Variants in CGRRF1 observed in about 807,000 individuals in gnomAD.
CGRRF1 encodes the protein cell growth regulator with ring finger domain 1.
CGRRF1 carries 32 observed loss-of-function variants against 37.2 expected under a neutral mutation model. The ratio of observed to expected loss-of-function variants is 0.86; its 90% CI spans 0.65 to 1.16. The LOEUF (loss-of-function observed/expected upper bound fraction) is 1.16, where lower values mean the gene tolerates loss of function less well. Among genes scored for constraint, CGRRF1 ranks in the 50% most tolerant of loss-of-function variants. The pLI, the probability that CGRRF1 is intolerant of heterozygous loss-of-function variation, is 0.00. For synonymous variants in CGRRF1, 141 were observed against 140.3 expected (o/e 1.00, Z -0.04); for missense variants, 391 against 382.6 (o/e 1.02, Z -0.18).
chr14:54,519,087 C>A (rs1190667807), intron 1 of CGRRF1, among the ~76,000 whole-genome samples: 1 of 152,018 alleles, frequency 6.6e-6, no homozygotes, highest in Non-Finnish European at 1.5e-5. Flanking sequence ...GGATTACAGG[C>A]ATGCACCACC....
intron 1 of CGRRF1, among the ~76,000 whole-genome samples, chr14:54,521,386 G>A (rs146126367): frequency 3.4e-4 from 51 of 151,652 alleles, no homozygotes; most frequent in African/African-American, 1.2e-3. Context: ...GCTTTAACCC[G>A]GGAGGCAGAG....
At chr14:54,510,832 G>A (rs890334997) in intron 1 of CGRRF1, among the ~76,000 whole-genome samples, 8 of 152,162 alleles carry the variant, frequency 5.3e-5, no homozygotes, top group African/African-American at 1.9e-4. Flanking sequence ...TTGAAACCGT[G>A]TAACTAGCCC....
chr14:54,513,845 AC>A (rs2032172136), intron 1 of CGRRF1, among the ~76,000 whole-genome samples: 1 of 152,144 alleles, frequency 6.6e-6, no homozygotes, highest in African/African-American at 2.4e-5. Context: ...AGGTGCCTGA[AC>A]ACAGTTTTAA....
chr14:54,538,035 T>A, intron 5 of CGRRF1, 28 bp from the exon 6 acceptor site: 1 of 1,521,738 alleles, frequency 6.6e-7, no homozygotes, highest in South Asian at 1.3e-5. Flanking sequence ...TTTATAATAA[T>A]CTTTAAATTT....
At chr14:54,523,667 T>TA (rs371570673) in intron 2 of CGRRF1, among the ~76,000 whole-genome samples, 1 of 152,250 alleles carries the variant, frequency 6.6e-6, no homozygotes, top group African/African-American at 2.4e-5. Flanking sequence ...CAGAGGAGTC[T>TA]AAGAAGACTC....
chr14:54,526,473 A>C (rs979665472), intron 2 of CGRRF1, among the ~76,000 whole-genome samples: 14 of 152,074 alleles, frequency 9.2e-5, no homozygotes, highest in African/African-American at 3.4e-4. Flanking sequence ...TATAATTAAA[A>C]AAAAAAGAAA....
chr14:54,534,134 T>C (rs1460029446), intron 4 of CGRRF1, among the ~76,000 whole-genome samples: 1 of 152,170 alleles, frequency 6.6e-6, no homozygotes, highest in Admixed American at 6.5e-5. Flanking sequence ...GGTTTTTTTT[T>C]TGTTTTTTGA....
rs143950400 is a variant in CGRRF1, at chr14:54,535,359, T to TCACACACACACACACACACACA, written c.571-2349_571-2328dup. On this transcript the variant is annotated intron_variant, in intron 4 of 5. Coordinates refer to ENST00000216420, the MANE Select transcript of CGRRF1 (RefSeq NM_006568.3). ...ACATGAGCATTTTTGAAGGGTATAGTCACACACACACACACACACACACAC... is the reference window on the plus strand; with the variant it reads ...ACATGAGCATTTTTGAAGGGTATAGTCACACACACACACACACACACACACACACACACACACACACACACAC... Among the ~76,000 whole-genome samples the TCACACACACACACACACACACA allele has an allele frequency of 5.4e-4, 76 of 140,588 alleles. No individual in the cohort carries two copies. The East Asian group carries it at 5.4e-3, about 10-fold the overall frequency. The allele number at this position is 140,588 out of a possible 152,430, so 92.2% of individuals were successfully genotyped here.
intron 4 of CGRRF1, among the ~76,000 whole-genome samples, chr14:54,532,918 G>T (rs945392147): frequency 2.6e-5 from 4 of 151,868 alleles, no homozygotes; most frequent in South Asian, 2.1e-4. Flanking sequence ...TGTGTACTTG[G>T]GCAAGGAAGC....
intron 1 of CGRRF1, chr14:54,510,368 C>G: frequency 2.5e-6 from 1 of 404,112 alleles, no homozygotes; most frequent in Non-Finnish European, 4.6e-6. Context: ...TGGGCTTGGG[C>G]TTGGTGTTGG....
Position 54,509,989 on chromosome 14 carries a change from T to C in CGRRF1, c.30T>C (p.Tyr10=). 2.5e-6 allele frequency: 4 copies of C among 1,613,970 alleles called. No individual in the cohort carries two copies. The highest frequency in any genetic ancestry group is 3.4e-6 in the Non-Finnish European group (4 of 1,179,810). Residue 10 remains tyrosine, a synonymous_variant, in exon 1 of 6, where the codon TAT becomes TAC. Transcript: ENST00000216420. ...CTGCGGTGTTTCTGGTAACGCTTTATGAATACTCGCCGCTTTTCTACATCG... is the reference window on the plus strand; with the variant it reads ...CTGCGGTGTTTCTGGTAACGCTTTACGAATACTCGCCGCTTTTCTACATCG... The part of the protein sequence containing the change: MAAVFLVTL[Y]EYSPLFYIAV...
chr14:54,530,454 A>G (rs1490644578), intron 3 of CGRRF1: 3 of 918,336 alleles, frequency 3.3e-6, no homozygotes, highest in Non-Finnish European at 4.8e-6. Flanking sequence ...TAGACTTCTT[A>G]TGGATAAAGT....
intron 2 of CGRRF1, among the ~76,000 whole-genome samples, chr14:54,525,724 C>CT (rs1426715508): frequency 6.6e-6 from 1 of 152,086 alleles, no homozygotes; most frequent in Non-Finnish European, 1.5e-5. Context: ...GTTTAAAAAT[C>CT]TTTTTTTCAC....
At chr14:54,528,992 T>C (rs2032463000) in intron 2 of CGRRF1, among the ~76,000 whole-genome samples, 1 of 152,134 alleles carries the variant, frequency 6.6e-6, no homozygotes, top group African/African-American at 2.4e-5. Flanking sequence ...TTTTAAAAAA[T>C]AGGTAATATA....
Position 54,530,058 on chromosome 14 carries a change from C to T in CGRRF1, c.254C>T (p.Thr85Ile), listed in dbSNP as rs959272383. Residue 85 changes from threonine (T) to isoleucine (I), a missense_variant, in exon 3 of 6, where the codon ACC becomes ATC. Coordinates refer to ENST00000216420, the MANE Select transcript of CGRRF1 (RefSeq NM_006568.3). Reference protein sequence around the residue: ...PSSASITTGITLTTDCLEDSL... With the variant: ...PSSASITTGIILTTDCLEDSL... ...CCTTTGTTTTTTACAGCTGGCATAACCTTGACAACAGATTGCCTTGAAGAT... is the reference window on the plus strand; with the variant it reads ...CCTTTGTTTTTTACAGCTGGCATAATCTTGACAACAGATTGCCTTGAAGAT... The T allele has an allele frequency of 1.2e-6, 2 of 1,608,698 alleles. No individual in the cohort carries two copies. Among genetic ancestry groups the T allele is most frequent in the Non-Finnish European group, 1.7e-6 (2 of 1,175,810 alleles).
intron 1 of CGRRF1, among the ~76,000 whole-genome samples, chr14:54,521,427 C>T (rs569753762): frequency 1.3e-5 from 2 of 151,730 alleles, no homozygotes; most frequent in East Asian, 3.9e-4. Flanking sequence ...CGCCATTGCA[C>T]TCCAGCCTGG....
At chr14:54,528,499 G>T (rs540300536) in intron 2 of CGRRF1, among the ~76,000 whole-genome samples, 8 of 151,324 alleles carry the variant, frequency 5.3e-5, no homozygotes, top group African/African-American at 1.9e-4. Context: ...TGTGTTTCTT[G>T]TTTTTTCTTT....
At chr14:54,516,472 GCTT>G (rs1407802463) in intron 1 of CGRRF1, among the ~76,000 whole-genome samples, 2 of 151,930 alleles carry the variant, frequency 1.3e-5, no homozygotes, top group African/African-American at 4.8e-5. Flanking sequence ...GCCTTCCATT[GCTT>G]CTTATTAATA....
intron 4 of CGRRF1, among the ~76,000 whole-genome samples, chr14:54,532,341 A>G (rs1191573686): frequency 6.6e-6 from 1 of 152,144 alleles, no homozygotes; most frequent in African/African-American, 2.4e-5. Flanking sequence ...CATGGGGAGC[A>G]GAGGGGAAGG....
Sources: gnomAD v4.1 joint callset for allele counts (sites outside exome capture counted in the v4.1 genomes callset) on GRCh38, gnomAD v4.1.1 for gene constraint, MANE v1.5 for transcripts, NCBI Gene and HGNC (gene_info 2026-07-23, HGNC 2026-07-21) for gene names.